Variants in BMP7 observed in about 807,000 individuals in gnomAD.
The protein encoded by BMP7 is osteogenic protein 1.
BMP7 carries 12 observed loss-of-function variants against 41.2 expected under a neutral mutation model. The observed-to-expected ratio is 0.29, with a 90% CI of 0.19 to 0.47. BMP7 has a LOEUF of 0.47. Among genes scored for constraint, BMP7 ranks in the 20% least tolerant of loss-of-function variants. The pLI is 0.99. For synonymous variants in BMP7, 248 were observed against 250.0 expected (o/e 0.99, Z 0.07); for missense variants, 467 against 606.0 (o/e 0.77, Z 2.41).
intron 3 of BMP7, among the ~76,000 whole-genome samples, chr20:57,185,301 G>A (rs1473539285): frequency 1.3e-5 from 2 of 152,236 alleles, no homozygotes; most frequent in East Asian, 3.8e-4. Context: ...TGTACAGGGA[G>A]GTCCCAAGTG....
rs1359327849 is a variant in BMP7 at position 57,228,060 on chromosome 20, G to A, written c.611+169C>T. 1.3e-5 allele frequency among the ~76,000 whole-genome samples: 2 copies of A among 152,116 alleles called. No homozygotes were observed. ...TATTCCTGAATTTGTTGTCGGTCAT[G>A]GTTTTAAGGAAGTGACATACACCAT... On this transcript the variant is annotated intron_variant, in intron 2 of 6. Coordinates refer to ENST00000395863, the MANE Select transcript of BMP7 (RefSeq NM_001719.3). This position sits in a 1 kb window ranked among gnomAD's most constrained non-coding sequence, Gnocchi z 4.5.
chr20:57,208,483 C>T (rs1984795689), intron 2 of BMP7, among the ~76,000 whole-genome samples: 1 of 152,158 alleles, frequency 6.6e-6, no homozygotes, highest in South Asian at 2.1e-4. Flanking sequence ...CTCTCATATA[C>T]TAATGGTAGG....
chr20:57,228,111 G>T lies in BMP7; in HGVS notation c.611+118C>A. Reference sequence around the variant, plus strand: ...ACACCTTCTTTAGAAGGGATAATCTGGTACAGGGCCTGGCACGTGGTTGTG... The same window carrying T: ...ACACCTTCTTTAGAAGGGATAATCTTGTACAGGGCCTGGCACGTGGTTGTG... On this transcript the variant is annotated intron_variant, in intron 2 of 6. Transcript: ENST00000395863. The surrounding 1 kb of genome is among the most constrained non-coding windows in gnomAD (Gnocchi z 4.5). The T allele has an allele frequency of 1.8e-6, 2 of 1,132,066 alleles. No individual in the cohort carries two copies. Among genetic ancestry groups the T allele is most frequent in the Non-Finnish European group, 2.7e-6 (2 of 746,904 alleles). 70.1% of individuals were successfully genotyped at this position (1,132,066 alleles called of 1,614,324 possible).
chr20:57,247,431 C>T (rs182742225), intron 1 of BMP7, among the ~76,000 whole-genome samples: 15 of 152,254 alleles, frequency 9.9e-5, no homozygotes, highest in African/African-American at 2.9e-4. Flanking sequence ...ACAATGGGGA[C>T]GAGAACAGAG....
At chr20:57,191,118 C>T (rs1050784711) in intron 3 of BMP7, among the ~76,000 whole-genome samples, 12 of 152,206 alleles carry the variant, frequency 7.9e-5, no homozygotes, top group Admixed American at 2.0e-4. Context: ...GGTGAGTCAT[C>T]GCAGCCGAGT....
At chr20:57,265,658 A>C (rs2066173776) in intron 1 of BMP7, 47 bp downstream of exon 1, 2 of 1,563,910 alleles carry the variant, frequency 1.3e-6, no homozygotes, top group East Asian at 4.8e-5. Context: ...TCCCAGTCTC[A>C]AAGTGCCCCC....
At chr20:57,260,271 A>G (rs767423963) in intron 1 of BMP7, among the ~76,000 whole-genome samples, 6 of 152,096 alleles carry the variant, frequency 3.9e-5, no homozygotes, top group Non-Finnish European at 8.8e-5. Context: ...ATTGTTTTTG[A>G]CCTGCAATAG....
chr20:57,228,228 C>A lies in BMP7; in HGVS notation c.611+1G>T. ...CTCCCAGATACCCGTATAGCACCCACCTGCCCAAGTGCTCCTGGAGCACCT... is the reference window on the plus strand; with the variant it reads ...CTCCCAGATACCCGTATAGCACCCAACTGCCCAAGTGCTCCTGGAGCACCT... On this transcript the variant is annotated splice_donor_variant, in intron 2 of 6. Coordinates refer to ENST00000395863, the MANE Select transcript of BMP7 (RefSeq NM_001719.3). LOFTEE classifies it high-confidence loss of function. The surrounding 1 kb of genome is among the most constrained non-coding windows in gnomAD (Gnocchi z 4.5). 6.2e-7 allele frequency: 1 copy of A among 1,613,302 alleles called. No homozygotes were observed. Among genetic ancestry groups the A allele is most frequent in the Non-Finnish European group, 8.5e-7 (1 of 1,179,990 alleles).
At position 57,174,920 on chromosome 20, in the gene BMP7, C is replaced by T; in HGVS notation, c.1035+11G>A. 1 of 1,609,408 alleles carries T rather than the reference C, an allele frequency of 6.2e-7. No homozygotes were observed. Among genetic ancestry groups the T allele is most frequent in the Non-Finnish European group, 8.5e-7 (1 of 1,179,438 alleles). On this transcript the variant is annotated intron_variant, in intron 5 of 6. Transcript: ENST00000395863. This position sits in a 1 kb window ranked among gnomAD's most constrained non-coding sequence, Gnocchi z 4.3. ...GGCCCACACCCAAGACAGACCCAGC[C>T]AGCCCCTTACCTGCCAGCCCAGGTC...
chr20:57,183,516 G>C (rs921838637), intron 4 of BMP7, among the ~76,000 whole-genome samples: 1 of 152,132 alleles, frequency 6.6e-6, no homozygotes, highest in African/African-American at 2.4e-5. Flanking sequence ...CGAATGTTTT[G>C]CTACTTGCAT....
At position 57,174,628 on chromosome 20, in the gene BMP7, G is replaced by A. The variant is rs529101521; in HGVS notation, c.1035+303C>T. 6.6e-6 allele frequency among the ~76,000 whole-genome samples: 1 copy of A among 152,298 alleles called. No individual in the cohort carries two copies. The highest frequency in any genetic ancestry group is 1.9e-4 in the East Asian group (1 of 5,178). ...CCAGGTATCTACATTCAAACACACG[G>A]CCCGGCATCATCTTGAGAAGCAGCC... is the stretch of plus-strand genomic sequence containing the variant. On this transcript the variant is annotated intron_variant, in intron 5 of 6. Coordinates refer to ENST00000395863, the MANE Select transcript of BMP7 (RefSeq NM_001719.3). This position sits in a 1 kb window ranked among gnomAD's most constrained non-coding sequence, Gnocchi z 4.3.
intron 3 of BMP7, among the ~76,000 whole-genome samples, chr20:57,195,569 A>G (rs955152555): frequency 6.6e-6 from 1 of 152,204 alleles, no homozygotes; most frequent in Non-Finnish European, 1.5e-5. Flanking sequence ...AATCGCATGG[A>G]GCGAAGGCAC....
At position 57,171,767 on chromosome 20, in the gene BMP7, A is replaced by G. The variant is rs574547515; in HGVS notation, c.1147-659T>C. On this transcript the variant is annotated intron_variant, in intron 6 of 6. Coordinates refer to ENST00000395863, the MANE Select transcript of BMP7 (RefSeq NM_001719.3). The surrounding 1 kb of genome is among the most constrained non-coding windows in gnomAD (Gnocchi z 4.5). ...GCAACTGTAGGTGCCAGGCAAGAGC[A>G]TCAGTGACTGGCACTCTGTTCACAG... Among the ~76,000 whole-genome samples, 1 of 152,348 alleles carries G rather than the reference A, an allele frequency of 6.6e-6. No homozygotes were observed. Among genetic ancestry groups the G allele is most frequent in the South Asian group, 2.1e-4 (1 of 4,832 alleles).
intron 2 of BMP7, among the ~76,000 whole-genome samples, chr20:57,226,198 G>A (rs1229701770): frequency 1.3e-5 from 2 of 152,234 alleles, no homozygotes; most frequent in Non-Finnish European, 2.9e-5. Flanking sequence ...GACCATGATG[G>A]GACCAGGTGC....
At position 57,266,073 on chromosome 20, in the gene BMP7, A is replaced by AGCGCCACGAAGCTGTGCG. The variant is rs2066176901; in HGVS notation, c.32_49dup (p.Pro11_Ala16dup). On this transcript the variant is annotated inframe_insertion, in exon 1 of 7. Coordinates refer to ENST00000395863, the MANE Select transcript of BMP7 (RefSeq NM_001719.3). ...GCGCAGCAGGAACAGGGGTGCCCAG[A>AGCGCCACGAAGCTGTGCG]GCGCCACGAAGCTGTGCGGCGCCGC... is the stretch of plus-strand genomic sequence containing the variant. 1 of 1,538,860 alleles carries AGCGCCACGAAGCTGTGCG rather than the reference A, an allele frequency of 6.5e-7. No homozygotes were observed. The highest frequency in any genetic ancestry group is 1.2e-5 in the South Asian group (1 of 84,020).
chr20:57,264,585 G>A (rs2066167210), intron 1 of BMP7, among the ~76,000 whole-genome samples: 1 of 152,316 alleles, frequency 6.6e-6, no homozygotes, highest in African/African-American at 2.4e-5. Flanking sequence ...CGCGGCTCCA[G>A]TCGGAAACCG....
intron 2 of BMP7, among the ~76,000 whole-genome samples, chr20:57,206,075 G>C (rs1333732932): frequency 3.3e-5 from 5 of 152,190 alleles, no homozygotes; most frequent in Admixed American, 6.5e-5. Flanking sequence ...AGCTCGGAGA[G>C]GGGGAATTTC....
chr20:57,221,461 G>C (rs230217), intron 2 of BMP7, among the ~76,000 whole-genome samples: 100,233 of 152,020 alleles, frequency 0.66, 34,111 homozygotes, highest in African/African-American at 0.83. Context: ...GGGAAAGATG[G>C]AAGCTTCTCA....
chr20:57,234,209 G>A (rs1235233895), intron 1 of BMP7, among the ~76,000 whole-genome samples: 1 of 152,216 alleles, frequency 6.6e-6, no homozygotes, highest in Non-Finnish European at 1.5e-5. Context: ...GTTGAGGGAT[G>A]GGAGGAAGCC....
Sources: gnomAD v4.1 joint callset for allele counts (sites outside exome capture counted in the v4.1 genomes callset) on GRCh38, gnomAD v4.1.1 for gene constraint, Gnocchi (gnomAD v3.1) non-coding constraint, MANE v1.5 for transcripts, NCBI Gene and HGNC (gene_info 2026-07-23, HGNC 2026-07-21) for gene names.